NFKB1: variants seen among roughly 807,000 people sequenced by gnomAD.
The protein encoded by NFKB1 is nuclear factor kappa B subunit 1.
In NFKB1, 9 loss-of-function variants were observed where a neutral mutation model predicts 105.1. That is an observed-to-expected ratio of 0.09 (90% CI 0.05 to 0.15). The LOEUF is 0.15. NFKB1 is among the 10% of genes least tolerant of loss of function. The probability of loss-of-function intolerance (pLI) is 1.00; values close to 1 mark genes in which losing one functional copy is unlikely to be tolerated. For synonymous variants in NFKB1, 440 were observed against 442.2 expected, an observed-to-expected ratio of 1.00 and a Z score of 0.06; for missense variants, 830 against 1,203.7, an observed-to-expected ratio of 0.69 and a Z score of 4.59.
At chr4:102,608,750 T>A (rs1728076313) in intron 19 of NFKB1, among the ~76,000 whole-genome samples, 1 of 152,168 alleles carries the variant, frequency 6.6e-6, no homozygotes, top group African/African-American at 2.4e-5. Flanking sequence ...GACACCATAT[T>A]TTTCTTTTCT....
intron 11 of NFKB1, among the ~76,000 whole-genome samples, chr4:102,586,606 A>G (rs1324644115): frequency 2.6e-5 from 4 of 152,222 alleles, no homozygotes; most frequent in Admixed American, 2.6e-4. Context: ...ATGTACTTTG[A>G]TATCATCAGC....
rs72691878 is a variant in NFKB1 at position 102,555,854 on chromosome 4, A to T, written c.259-11133A>T. On this transcript the variant is annotated intron_variant, in intron 5 of 23. Transcript: ENST00000226574. ...TAAGCTATAGAAATTTTATATAGGA[A>T]TGAGAAATTATCAGCAGCATTGTGC... Among the ~76,000 whole-genome samples the T allele has an allele frequency of 5.0e-3, 759 of 152,326 alleles. 1 individual carries two copies. The highest frequency in any genetic ancestry group is 7.8e-3 in the Non-Finnish European group (529 of 68,034).
chr4:102,578,046 C>T (rs1725008457), intron 7 of NFKB1: 1 of 940,330 alleles, frequency 1.1e-6, no homozygotes, highest in African/African-American at 1.8e-5. Context: ...CCGTTTTGCC[C>T]CTTCAGGTCA....
chr4:102,533,724 A>G, intron 3 of NFKB1, 121 bp from the exon 4 acceptor site: 1 of 815,030 alleles, frequency 1.2e-6, no homozygotes, highest in South Asian at 1.6e-5. Flanking sequence ...TTTAACCAAA[A>G]ATTGATTTGA....
intron 13 of NFKB1, among the ~76,000 whole-genome samples, chr4:102,595,292 T>A (rs1726518306): frequency 6.6e-6 from 1 of 152,240 alleles, no homozygotes; most frequent in Non-Finnish European, 1.5e-5. Flanking sequence ...TAATGTATTC[T>A]GTCTCTTTTT....
Position 102,593,427 on chromosome 4 carries a change from A to C in NFKB1, c.1069A>C (p.Lys357Gln). ...GGTTTCTCTTCCTTTAAATACAGAT[A>C]AAGAAGAAGTGCAGAGGAAACGTCA... ...PFLYYPEIKD[K>Q]EEVQRKRQKL... is the part of the protein sequence containing the mutation. The change falls in exon 12 of 24, where the codon AAA becomes CAA. Residue 357 changes from lysine (K) to glutamine (Q), a missense_variant and splice_region_variant. Physicochemically the swap from Lys to Gln is moderately conservative, Grantham distance 53 (BLOSUM62 1). This residue lies in a region of NFKB1 where 42 missense variants were observed against 145.7 expected (regional missense o/e 0.29). Transcript: ENST00000226574. 1.2e-6 allele frequency: 2 copies of C among 1,611,312 alleles called. No individual in the cohort carries two copies. Among genetic ancestry groups the C allele is most frequent in the Non-Finnish European group, 1.7e-6 (2 of 1,178,314 alleles).
At chr4:102,559,958 A>G (rs1013990850) in intron 5 of NFKB1, among the ~76,000 whole-genome samples, 1 of 151,754 alleles carries the variant, frequency 6.6e-6, no homozygotes, top group Non-Finnish European at 1.5e-5. Flanking sequence ...AAAAAAAAGA[A>G]AGAAAGAAAA....
At chr4:102,571,414 T>G (rs557179459) in intron 6 of NFKB1, among the ~76,000 whole-genome samples, 2 of 152,326 alleles carry the variant, frequency 1.3e-5, no homozygotes, top group East Asian at 3.9e-4. Context: ...ATTCAGCACA[T>G]GGGCATGGGC....
chr4:102,595,024 A>G (rs751158499), intron 13 of NFKB1, 43 bp downstream of exon 13: 4 of 1,342,344 alleles, frequency 3.0e-6, no homozygotes, highest in Non-Finnish European at 4.2e-6. Flanking sequence ...GGAAAAAAAT[A>G]ATTAATGCTA....
intron 5 of NFKB1, among the ~76,000 whole-genome samples, chr4:102,551,818 A>G (rs1722640284): frequency 6.6e-6 from 1 of 152,182 alleles, no homozygotes; most frequent in African/African-American, 2.4e-5. Context: ...TAGACAACAA[A>G]CAATTTGAAT....
chr4:102,528,256 CTG>C lies in NFKB1; in HGVS notation c.40-1578_40-1577del, dbSNP rs1466745124. Among the ~76,000 whole-genome samples the C allele has an allele frequency of 2.0e-5, 3 of 152,130 alleles. No homozygotes were observed. The East Asian group carries it at 5.8e-4, about 29-fold the overall frequency. On this transcript the variant is annotated intron_variant, in intron 2 of 23. Transcript: ENST00000226574. Reference sequence around the variant, plus strand: ...CTAGGTTATCACGTTTGCTCTGAGACTGTTAAAATCCTGTATGAAATGAGGCC... The same window carrying C: ...CTAGGTTATCACGTTTGCTCTGAGACTTAAAATCCTGTATGAAATGAGGCC...
chr4:102,517,750 A>G (rs1428266539), intron 1 of NFKB1, among the ~76,000 whole-genome samples: 1 of 152,220 alleles, frequency 6.6e-6, no homozygotes, highest in African/African-American at 2.4e-5. Flanking sequence ...TGAGGTAGAA[A>G]AGATGGCATT....
intron 23 of NFKB1, among the ~76,000 whole-genome samples, 157 bp downstream of exon 23, chr4:102,613,738 C>G (rs1158713937): frequency 6.6e-6 from 1 of 152,196 alleles, no homozygotes; most frequent in African/African-American, 2.4e-5. Flanking sequence ...CTCTGCCTCT[C>G]TTGATAGTAC....
intron 21 of NFKB1, 34 bp from the exon 22 acceptor site, chr4:102,612,400 T>A: frequency 1.2e-6 from 2 of 1,603,112 alleles, no homozygotes; most frequent in Non-Finnish European, 1.7e-6. Context: ...TATGGCATGT[T>A]AGAACAAGTG....
chr4:102,551,092 C>T (rs1373426276), intron 5 of NFKB1, among the ~76,000 whole-genome samples: 1 of 152,184 alleles, frequency 6.6e-6, no homozygotes, highest in Non-Finnish European at 1.5e-5. Context: ...AAACCCAGAA[C>T]ATTTCATTTG....
intron 5 of NFKB1, among the ~76,000 whole-genome samples, chr4:102,559,407 C>A (rs1337453102): frequency 6.6e-6 from 1 of 151,788 alleles, no homozygotes; most frequent in East Asian, 1.9e-4. Context: ...CATGGCATGA[C>A]ATGGCTTGAA....
chr4:102,570,521 A>G (rs901902177), intron 6 of NFKB1, among the ~76,000 whole-genome samples: 50 of 152,178 alleles, frequency 3.3e-4, no homozygotes, highest in African/African-American at 1.1e-3. Flanking sequence ...CGCAGTGAAC[A>G]TTAACATGCA....
intron 15 of NFKB1, among the ~76,000 whole-genome samples, chr4:102,599,608 C>T (rs1012903499): frequency 1.3e-5 from 2 of 152,132 alleles, no homozygotes; most frequent in African/African-American, 2.4e-5. Context: ...CATGTATCCC[C>T]TATGCAGGAT....
chr4:102,583,413 T>G (rs1383197720), intron 10 of NFKB1, among the ~76,000 whole-genome samples: 1 of 152,198 alleles, frequency 6.6e-6, no homozygotes, highest in Non-Finnish European at 1.5e-5. Flanking sequence ...TCCAAAAAAG[T>G]TACCTACTGT....
Sources: gnomAD v4.1 joint callset for allele counts (sites outside exome capture counted in the v4.1 genomes callset) on GRCh38, gnomAD v4.1.1 for gene constraint, gnomAD v4.1.1 regional missense constraint, MANE v1.5 for transcripts, NCBI Gene and HGNC (gene_info 2026-07-23, HGNC 2026-07-21) for gene names.